Variants in USP10 observed in about 807,000 individuals in gnomAD.
The protein encoded by USP10 is ubiquitin specific peptidase 10.
USP10 carries 22 observed loss-of-function variants against 84.5 expected under a neutral mutation model. The observed-to-expected ratio is 0.26, with a 90% confidence interval of 0.19 to 0.37. The LOEUF is 0.37. Ranked by LOEUF, USP10 falls within the 10% of genes least tolerant of loss-of-function variation. The pLI is 1.00. For synonymous variants in USP10, 454 were observed against 387.6 expected (o/e 1.17, Z -2.01); for missense variants, 1,019 against 998.9 (o/e 1.02, Z -0.27).
intron 1 of USP10, among the ~76,000 whole-genome samples, chr16:84,732,077 A>G (rs1378877040): frequency 2.6e-5 from 4 of 152,206 alleles, no homozygotes; most frequent in East Asian, 1.9e-4. Flanking sequence ...TTCTTAATGT[A>G]TATTTATAGT....
Position 84,759,358 on chromosome 16 carries a change from C to T in USP10, c.1285-5C>T. 2 of 1,613,638 alleles carry T rather than the reference C, an allele frequency of 1.2e-6. No individual in the cohort carries two copies. The highest frequency in any genetic ancestry group is 1.1e-5 in the South Asian group (1 of 91,076). The stretch of plus-strand genomic sequence containing the variant: ...CCTTTACGCTTCCTTACTGCCACTA[C>T]ATAGACACTGCAGGCATTGGTTGCT... On this transcript the variant is annotated splice_polypyrimidine_tract_variant and splice_region_variant and intron_variant, in intron 5 of 13. Transcript: ENST00000219473.
rs1415526900 is a variant in USP10, at chr16:84,768,373, G to A, written c.1998+15G>A. The A allele has an allele frequency of 1.9e-6, 3 of 1,555,346 alleles. No individual in the cohort carries two copies. The African/African-American group carries it at 4.1e-5, about 21-fold the overall frequency. ...CCAAACAAGAGGTATGTTCACACTT[G>A]ATTTTGAACCTTTCTACTAAGGTGC... On this transcript the variant is annotated intron_variant, in intron 11 of 13. Transcript: ENST00000219473.
chr16:84,714,151 A>G (rs1179146886), intron 1 of USP10, among the ~76,000 whole-genome samples: 2 of 151,610 alleles, frequency 1.3e-5, no homozygotes, highest in Non-Finnish European at 2.9e-5. Context: ...GCAGAGACCC[A>G]GTTGAGAAGC....
intron 2 of USP10, among the ~76,000 whole-genome samples, chr16:84,736,898 C>G (rs1183789292): frequency 6.6e-6 from 1 of 152,240 alleles, no homozygotes; most frequent in Non-Finnish European, 1.5e-5. Context: ...ACACCATTCT[C>G]CTGCCTCAGC....
At chr16:84,759,140 C>T in intron 5 of USP10, 1 of 596,310 alleles carries the variant, frequency 1.7e-6, no homozygotes, top group Middle Eastern at 4.5e-4. Context: ...AGGTCAAGTT[C>T]TTGAATACAA....
At chr16:84,743,314 T>C (rs934966405) in intron 3 of USP10, among the ~76,000 whole-genome samples, 6 of 152,316 alleles carry the variant, frequency 3.9e-5, no homozygotes, top group Admixed American at 3.3e-4. Flanking sequence ...CCACCACCCT[T>C]CACCCCCCAC....
intron 3 of USP10, among the ~76,000 whole-genome samples, chr16:84,744,186 G>A (rs1026210149): frequency 5.3e-5 from 8 of 151,834 alleles, no homozygotes; most frequent in East Asian, 3.9e-4. Context: ...ATCAAATCAC[G>A]TTAACTACAG....
intron 11 of USP10, among the ~76,000 whole-genome samples, chr16:84,770,316 G>A (rs1384149913): frequency 1.3e-5 from 2 of 152,084 alleles, no homozygotes; most frequent in Non-Finnish European, 2.9e-5. Context: ...ATATTTTCTT[G>A]AATGTGTTTT....
intron 10 of USP10, among the ~76,000 whole-genome samples, chr16:84,765,015 C>T (rs1427891616): frequency 6.7e-6 from 1 of 149,282 alleles, no homozygotes; most frequent in Admixed American, 6.7e-5. Context: ...GCAGAGGTTG[C>T]AGTGAGCCAA....
intron 1 of USP10, among the ~76,000 whole-genome samples, chr16:84,731,697 C>T (rs113327958): frequency 0.03 from 4,599 of 152,160 alleles, 100 homozygotes; most frequent in South Asian, 0.064. Flanking sequence ...GCTATTAAGA[C>T]GTTCTGTTGA....
rs753282506 is a variant in USP10 at position 84,764,043 on chromosome 16, T to C, written c.1655-43T>C. 4.8e-5 allele frequency: 74 copies of C among 1,552,602 alleles called. No individual in the cohort carries two copies. In the South Asian group the frequency reaches 8.1e-4, roughly 17 times the overall value. ...TCTGTGCCTTTTTTTTTTTTGCTGT[T>C]CTTGTCGTAAATAGTAGTGTAAGCA... On this transcript the variant is annotated intron_variant, in intron 9 of 13. Coordinates refer to ENST00000219473, the MANE Select transcript of USP10 (RefSeq NM_005153.3).
At chr16:84,772,485 G>A (rs972144624) in intron 11 of USP10, 56 bp from the exon 12 acceptor site, 2 of 1,606,578 alleles carry the variant, frequency 1.2e-6, no homozygotes, top group African/African-American at 1.3e-5. Context: ...TGGATGTGGT[G>A]TTAGCTGTTG....
intron 2 of USP10, among the ~76,000 whole-genome samples, chr16:84,737,853 T>G (rs1389810049): frequency 6.6e-6 from 1 of 152,240 alleles, no homozygotes; most frequent in Non-Finnish European, 1.5e-5. Flanking sequence ...CAGTGCCACC[T>G]GGTGTCACTG....
chr16:84,771,554 C>G (rs1914453277), intron 11 of USP10, among the ~76,000 whole-genome samples: 2 of 152,108 alleles, frequency 1.3e-5, no homozygotes, highest in South Asian at 4.1e-4. Flanking sequence ...TTTATCAATA[C>G]TATCAGAGTT....
chr16:84,709,479 G>C (rs1905989553), intron 1 of USP10, among the ~76,000 whole-genome samples: 1 of 152,136 alleles, frequency 6.6e-6, no homozygotes, highest in Non-Finnish European at 1.5e-5. Flanking sequence ...GTGTGGAAGA[G>C]GGGGTGGTAC....
At chr16:84,742,460 A>C (rs1210107965) in intron 3 of USP10, among the ~76,000 whole-genome samples, 1 of 152,158 alleles carries the variant, frequency 6.6e-6, no homozygotes, top group East Asian at 1.9e-4. Flanking sequence ...TTGTGTCACT[A>C]ATCTCTGTAT....
At position 84,771,332 on chromosome 16, in the gene USP10, G is replaced by A. The variant is rs548827650; in HGVS notation, c.1999-1209G>A. Among the ~76,000 whole-genome samples the A allele has an allele frequency of 2.6e-5, 4 of 152,230 alleles. No individual in the cohort carries two copies. The South Asian group carries it at 8.3e-4, about 32-fold the overall frequency. On this transcript the variant is annotated intron_variant, in intron 11 of 13. Coordinates refer to ENST00000219473, the MANE Select transcript of USP10 (RefSeq NM_005153.3). ...GGTGGGAGACTGAGGCGAGCAGGTT[G>A]CTTAAGTCTAGGAGTTCAAGACCAG...
Position 84,747,920 on chromosome 16 carries a change from C to A in USP10, c.1192+2247C>A, listed in dbSNP as rs114984943. On this transcript the variant is annotated intron_variant, in intron 4 of 13. Coordinates refer to ENST00000219473, the MANE Select transcript of USP10 (RefSeq NM_005153.3). ...AATGTATTTATTGCAAGGACTGATACTGTAGGTGGATGACAAGGTCAGGAG... is the reference window on the plus strand; with the variant it reads ...AATGTATTTATTGCAAGGACTGATAATGTAGGTGGATGACAAGGTCAGGAG... Among the ~76,000 whole-genome samples, 609 of 151,862 alleles carry A rather than the reference C, an allele frequency of 4.0e-3. 4 individuals carry two copies. Among genetic ancestry groups the A allele is most frequent in the African/African-American group, 0.014 (587 of 41,446 alleles).
At chr16:84,764,345 G>GT in intron 10 of USP10, 82 bp downstream of exon 10, 1 of 1,564,982 alleles carries the variant, frequency 6.4e-7, no homozygotes, top group Non-Finnish European at 8.8e-7. Context: ...TGTGAGGCTT[G>GT]TTTTGAGACT....
Sources: allele counts gnomAD v4.1 joint callset (sites outside exome capture counted in the v4.1 genomes callset), GRCh38; gene constraint gnomAD v4.1.1; transcripts MANE v1.5; gene names NCBI Gene and HGNC (gene_info 2026-07-23, HGNC 2026-07-21).